The following IQSEC1 variants were observed in gnomAD, a reference collection of about 807,000 sequenced individuals.
IQSEC1 encodes the protein IQ motif and SEC7 domain-containing protein 1.
Under a neutral mutation model 91.0 loss-of-function variants are expected in IQSEC1, and 31 were observed. That is an observed-to-expected ratio of 0.34 (90% CI 0.26 to 0.46). The LOEUF (loss-of-function observed/expected upper bound fraction) is 0.46, where lower values mean the gene tolerates loss of function less well. Ranked by LOEUF, IQSEC1 falls within the 20% of genes least tolerant of loss-of-function variation. The probability of loss-of-function intolerance (pLI) is 1.00; values close to 1 mark genes in which losing one functional copy is unlikely to be tolerated. For missense variants in IQSEC1, 1,388 were observed against 1,575.6 expected (o/e 0.88, Z 2.02); for synonymous variants, 699 against 662.6 (o/e 1.05, Z -0.84).
intron 2 of IQSEC1, among the ~76,000 whole-genome samples, chr3:13,104,390 T>A (rs1462813230): frequency 6.6e-6 from 1 of 152,170 alleles, no homozygotes; most frequent in Admixed American, 6.5e-5. Context: ...AGGGACCCTC[T>A]AATTCCACTT....
chr3:13,264,793 C>T (rs954353898), intron 1 of IQSEC1, among the ~76,000 whole-genome samples: 1 of 151,538 alleles, frequency 6.6e-6, no homozygotes, highest in African/African-American at 2.4e-5. Flanking sequence ...TGTCACCCAG[C>T]CCACCCCTTC....
intron 1 of IQSEC1, among the ~76,000 whole-genome samples, chr3:13,187,948 C>T (rs1693961720): frequency 6.6e-6 from 1 of 152,216 alleles, no homozygotes; most frequent in African/African-American, 2.4e-5. Context: ...CCTGATCACC[C>T]CCCAGAGGCC....
At chr3:13,125,328 C>T (rs1281744420) in intron 2 of IQSEC1, among the ~76,000 whole-genome samples, 2 of 152,192 alleles carry the variant, frequency 1.3e-5, no homozygotes, top group East Asian at 1.9e-4. Context: ...TCCCTGACCT[C>T]CCACCCCCAC....
chr3:12,944,692 G>C (rs914441128), intron 1 of IQSEC1, among the ~76,000 whole-genome samples: 4 of 152,214 alleles, frequency 2.6e-5, no homozygotes, highest in Admixed American at 6.5e-5. Flanking sequence ...AGATGCAGCC[G>C]GGCCTCCGCT....
intron 1 of IQSEC1, among the ~76,000 whole-genome samples, chr3:13,213,963 G>A (rs1368338687): frequency 1.3e-5 from 2 of 152,008 alleles, no homozygotes; most frequent in Non-Finnish European, 1.5e-5. Flanking sequence ...GTCCCATCTA[G>A]GGCCCTCTCC....
At chr3:13,059,050 C>A (rs895950111) in intron 1 of IQSEC1, among the ~76,000 whole-genome samples, 5 of 152,032 alleles carry the variant, frequency 3.3e-5, no homozygotes, top group African/African-American at 9.7e-5. Flanking sequence ...TCCTCTCCTG[C>A]GGTAGCCATC....
At chr3:12,989,011 A>G (rs1245017139) in intron 1 of IQSEC1, among the ~76,000 whole-genome samples, 1 of 152,232 alleles carries the variant, frequency 6.6e-6, no homozygotes, top group Admixed American at 6.5e-5. Context: ...CAGGGCCAAG[A>G]CTAGAATCTA....
At chr3:13,255,641 GGGTCTTGCTCT>G (rs1041009002) in intron 1 of IQSEC1, among the ~76,000 whole-genome samples, 5 of 152,026 alleles carry the variant, frequency 3.3e-5, no homozygotes, top group African/African-American at 1.2e-4. Context: ...CTTAGAGACA[GGGTCTTGCTCT>G]GTCATCCAGG....
intron 1 of IQSEC1, chr3:13,022,142 C>T (rs1703430935): frequency 8.1e-7 from 1 of 1,231,748 alleles, no homozygotes; most frequent in African/African-American, 1.6e-5. Context: ...GGGCCCACCA[C>T]CACTGCCCCA....
intron 2 of IQSEC1, among the ~76,000 whole-genome samples, chr3:13,082,213 C>T (rs1039718576): frequency 6.6e-6 from 1 of 152,182 alleles, no homozygotes; most frequent in Non-Finnish European, 1.5e-5. Context: ...ACGTGTCGGT[C>T]GGTTGTGACA....
intron 1 of IQSEC1, among the ~76,000 whole-genome samples, chr3:13,208,053 C>A (rs890957580): frequency 6.6e-6 from 1 of 151,774 alleles, no homozygotes; most frequent in African/African-American, 2.4e-5. Flanking sequence ...ATGAGTTTCC[C>A]AAATAATTCA....
chr3:13,006,908 G>A (rs528479802), intron 1 of IQSEC1, among the ~76,000 whole-genome samples: 1 of 152,324 alleles, frequency 6.6e-6, no homozygotes, highest in African/African-American at 2.4e-5. Flanking sequence ...CTGACTGGCG[G>A]AGCCCCTGCA....
rs567019201 is a variant in IQSEC1, at chr3:13,282,180, G to T, written c.272+531C>A. 1.8e-4 allele frequency among the ~76,000 whole-genome samples: 27 copies of T among 152,192 alleles called. No homozygotes were observed. The highest frequency in any genetic ancestry group is 3.5e-4 in the Non-Finnish European group (24 of 68,026). On this transcript the variant is annotated intron_variant, in intron 1 of 15. Transcript: ENST00000648114. This position sits in a 1 kb window ranked among gnomAD's most constrained non-coding sequence, Gnocchi z 6.4. ...CAGCCTTGAAGTAAGAGACAGAGGCGTCCACAGAAGAGGGCTCTGCGCGTC... is the reference window on the plus strand; with the variant it reads ...CAGCCTTGAAGTAAGAGACAGAGGCTTCCACAGAAGAGGGCTCTGCGCGTC...
intron 9 of IQSEC1, 76 bp from the exon 10 acceptor site, chr3:12,911,804 A>T (rs1695585945): frequency 2.0e-6 from 2 of 1,004,266 alleles, no homozygotes; most frequent in Non-Finnish European, 1.6e-6. Flanking sequence ...TGGTCAGAGG[A>T]TCCTCCTGGA....
At position 13,202,321 on chromosome 3, in the gene IQSEC1, G is replaced by A. The variant is rs536803982; in HGVS notation, c.273-38188C>T. On this transcript the variant is annotated intron_variant, in intron 1 of 15. Coordinates refer to the IQSEC1 transcript ENST00000648114. ...TTCTGGGTATATATAGGAAAGAAACGAAAGTTGGGTCTCAAAAAGATCTTT... is the reference window on the plus strand; with the variant it reads ...TTCTGGGTATATATAGGAAAGAAACAAAAGTTGGGTCTCAAAAAGATCTTT... Among the ~76,000 whole-genome samples the A allele has an allele frequency of 7.9e-5, 12 of 152,270 alleles. No homozygotes were observed. In the East Asian group the frequency reaches 9.6e-4, roughly 12 times the overall value.
chr3:12,917,712 A>C (rs1429415715), intron 6 of IQSEC1, among the ~76,000 whole-genome samples: 1 of 152,228 alleles, frequency 6.6e-6, no homozygotes. Context: ...ATCCGTGTGC[A>C]GGTTTTTCTG....
At chr3:13,124,158 A>G (rs1217586048) in intron 2 of IQSEC1, among the ~76,000 whole-genome samples, 2 of 152,194 alleles carry the variant, frequency 1.3e-5, no homozygotes, top group Non-Finnish European at 2.9e-5. Context: ...ACTGGCTGTG[A>G]GTGCAGACAG....
At chr3:13,113,804 C>T (rs1038744919) in intron 2 of IQSEC1, among the ~76,000 whole-genome samples, 3 of 152,212 alleles carry the variant, frequency 2.0e-5, no homozygotes, top group South Asian at 4.1e-4. Flanking sequence ...GTGGCTACAA[C>T]ACGGAACTGT....
chr3:13,243,712 T>C (rs1306649933), intron 1 of IQSEC1, among the ~76,000 whole-genome samples: 1 of 151,098 alleles, frequency 6.6e-6, no homozygotes, highest in Non-Finnish European at 1.5e-5. Flanking sequence ...TGGAGGGGCA[T>C]GTGGGCCCGC....
Sources: allele counts gnomAD v4.1 joint callset (sites outside exome capture counted in the v4.1 genomes callset), GRCh38; gene constraint gnomAD v4.1.1; non-coding constraint Gnocchi (gnomAD v3.1); transcripts MANE v1.5; gene names NCBI Gene and HGNC (gene_info 2026-07-23, HGNC 2026-07-21).